The following ACSS3 variants were observed in gnomAD, a reference collection of about 807,000 sequenced individuals.
ACSS3 encodes acyl-CoA synthetase short chain family member 3.
A neutral mutation model predicts 84.2 loss-of-function variants in ACSS3; 64 were observed. That is an observed-to-expected ratio of 0.76 (90% CI 0.62 to 0.94). ACSS3 has a LOEUF of 0.94. Ranked by LOEUF, ACSS3 falls within the 40% of genes least tolerant of loss-of-function variation. ACSS3 has a pLI of 0.00. For missense variants in ACSS3, 815 were observed against 867.6 expected (o/e 0.94, Z 0.76); for synonymous variants, 317 against 310.1 (o/e 1.02, Z -0.23).
intron 2 of ACSS3, among the ~76,000 whole-genome samples, chr12:81,131,635 T>C (rs1035096835): frequency 3.3e-5 from 5 of 152,180 alleles, no homozygotes; most frequent in East Asian, 1.9e-4. Context: ...TCCTGCCTGA[T>C]TGCCCTGGCC....
intron 7 of ACSS3, among the ~76,000 whole-genome samples, chr12:81,172,277 A>AAAAAAAAAAC (rs56740010): frequency 1.3e-5 from 2 of 150,278 alleles, no homozygotes; most frequent in South Asian, 4.2e-4. Context: ...AAAAAAAAAA[A>AAAAAAAAAAC]GGCCCTGGTG....
chr12:81,128,035 AACTG>A (rs1429548916), intron 2 of ACSS3, among the ~76,000 whole-genome samples: 4 of 152,188 alleles, frequency 2.6e-5, no homozygotes, highest in Non-Finnish European at 4.4e-5. Flanking sequence ...TTCATTTTAT[AACTG>A]AAATTTAAAG....
chr12:81,217,708 T>G (rs1464585948), intron 10 of ACSS3, among the ~76,000 whole-genome samples: 1 of 152,032 alleles, frequency 6.6e-6, no homozygotes, highest in East Asian at 1.9e-4. Context: ...CCGGGTGTGG[T>G]GGTGTGCGCC....
At chr12:81,174,079 G>A (rs897328570) in intron 7 of ACSS3, among the ~76,000 whole-genome samples, 1 of 152,152 alleles carries the variant, frequency 6.6e-6, no homozygotes, top group Non-Finnish European at 1.5e-5. Context: ...TTATGGGTTA[G>A]TTAGAATGTT....
chr12:81,209,302 C>CT (rs916304393), intron 9 of ACSS3, among the ~76,000 whole-genome samples: 53 of 149,494 alleles, frequency 3.5e-4, no homozygotes, highest in African/African-American at 1.2e-3. Flanking sequence ...ACTACATGCA[C>CT]TTTTTTTTTG....
intron 9 of ACSS3, among the ~76,000 whole-genome samples, chr12:81,208,472 C>G (rs1009446650): frequency 1.4e-5 from 2 of 145,176 alleles, no homozygotes; most frequent in African/African-American, 5.7e-5. Flanking sequence ...TGCTTTTGCC[C>G]CGTATCCAGA....
At chr12:81,096,409 C>A (rs1426335371) in intron 1 of ACSS3, among the ~76,000 whole-genome samples, 1 of 152,108 alleles carries the variant, frequency 6.6e-6, no homozygotes, top group Non-Finnish European at 1.5e-5. Context: ...TGGGAGGACA[C>A]AAAAGTACAC....
At chr12:81,134,664 TA>T in intron 2 of ACSS3, 151 bp from the exon 3 acceptor site, 2 of 536,994 alleles carry the variant, frequency 3.7e-6, no homozygotes, top group Non-Finnish European at 5.9e-6. Flanking sequence ...TCTCACCATC[TA>T]AAGCATTATC....
At chr12:81,154,131 TAAA>T (rs913660111) in intron 7 of ACSS3, among the ~76,000 whole-genome samples, 4 of 152,216 alleles carry the variant, frequency 2.6e-5, no homozygotes, top group African/African-American at 9.6e-5. Context: ...GTTTTTAATT[TAAA>T]AAATTATTTC....
In ACSS3 at chr12:81,163,031, C is replaced by T. The variant is rs371723400; in HGVS notation, c.1098+10935C>T. Among the ~76,000 whole-genome samples, 67 of 152,042 alleles carry T rather than the reference C, an allele frequency of 4.4e-4. No homozygotes were observed. The East Asian group carries it at 9.9e-3, about 22-fold the overall frequency. ...AGGGATGGCTGGGTGGCTGCAGCTG[C>T]GGCCCAGAGGACTGGGATCCTATCC... On this transcript the variant is annotated intron_variant, in intron 7 of 15. Coordinates refer to ENST00000548058, the MANE Select transcript of ACSS3 (RefSeq NM_024560.4).
intron 8 of ACSS3, among the ~76,000 whole-genome samples, chr12:81,180,903 C>A (rs541823494): frequency 3.3e-5 from 5 of 152,280 alleles, no homozygotes; most frequent in African/African-American, 7.2e-5. Flanking sequence ...ACATCAATCT[C>A]ATTGAACCTC....
intron 9 of ACSS3, among the ~76,000 whole-genome samples, chr12:81,206,987 G>A (rs1257002194): frequency 6.6e-6 from 1 of 152,074 alleles, no homozygotes; most frequent in East Asian, 1.9e-4. Context: ...CAGAGATGTA[G>A]AATTGTGTTT....
chr12:81,094,180 CTCTCTGTGTG>C (rs1881867725), intron 1 of ACSS3, among the ~76,000 whole-genome samples: 5 of 132,838 alleles, frequency 3.8e-5, no homozygotes, highest in South Asian at 4.8e-4. Context: ...CTCTGTCTCT[CTCTCTGTGTG>C]TGTGTGTGTG....
At chr12:81,177,251 C>T (rs933426376) in intron 8 of ACSS3, among the ~76,000 whole-genome samples, 1 of 152,046 alleles carries the variant, frequency 6.6e-6, no homozygotes, top group African/African-American at 2.4e-5. Context: ...TAAACCACAA[C>T]AAAACAAGGA....
intron 7 of ACSS3, among the ~76,000 whole-genome samples, chr12:81,153,273 T>A (rs1449099537): frequency 6.6e-6 from 1 of 151,934 alleles, no homozygotes; most frequent in Non-Finnish European, 1.5e-5. Flanking sequence ...CCAGACCTGG[T>A]GGTGCATGCC....
At chr12:81,206,347 A>G (rs1195539102) in intron 9 of ACSS3, among the ~76,000 whole-genome samples, 1 of 152,134 alleles carries the variant, frequency 6.6e-6, no homozygotes, top group Non-Finnish European at 1.5e-5. Flanking sequence ...TGACCCCATG[A>G]ACCAGGTTAC....
At chr12:81,242,806 C>G (rs2033853888) in intron 13 of ACSS3, among the ~76,000 whole-genome samples, 1 of 151,178 alleles carries the variant, frequency 6.6e-6, no homozygotes, top group Non-Finnish European at 1.5e-5. Context: ...CAAAATTCAA[C>G]AACCCTTCAT....
chr12:81,096,717 T>C (rs1882085015), intron 1 of ACSS3, among the ~76,000 whole-genome samples: 3 of 151,266 alleles, frequency 2.0e-5, no homozygotes, highest in African/African-American at 7.3e-5. Context: ...TGAGAACATG[T>C]GGTGTTTGGT....
intron 9 of ACSS3, among the ~76,000 whole-genome samples, chr12:81,202,061 C>T (rs778033461): frequency 2.8e-4 from 43 of 151,960 alleles, no homozygotes; most frequent in Admixed American, 5.9e-4. Context: ...GGGCGGATCA[C>T]GAGGTCAGGA....
Sources: allele counts gnomAD v4.1 joint callset (sites outside exome capture counted in the v4.1 genomes callset), GRCh38; gene constraint gnomAD v4.1.1; transcripts MANE v1.5; gene names NCBI Gene and HGNC (gene_info 2026-07-23, HGNC 2026-07-21).